Variants in FSTL5 observed in about 807,000 individuals in gnomAD.
FSTL5 encodes follistatin-related protein 5.
In FSTL5, 62 loss-of-function variants were observed where a neutral mutation model predicts 89.1. The observed-to-expected ratio is 0.70, with a 90% CI of 0.57 to 0.86. FSTL5 has a LOEUF of 0.86. Among genes scored for constraint, FSTL5 ranks in the 40% least tolerant of loss-of-function variants. FSTL5 has a pLI of 0.00. For missense variants in FSTL5, 1,057 were observed against 1,001.6 expected (o/e 1.06, Z -0.75); for synonymous variants, 383 against 346.2 (o/e 1.11, Z -1.18).
chr4:161,607,503 A>C (rs1346631996), intron 7 of FSTL5, among the ~76,000 whole-genome samples: 1 of 152,150 alleles, frequency 6.6e-6, no homozygotes, highest in Non-Finnish European at 1.5e-5. Context: ...AATAGCTAAA[A>C]GTTTAAAAAT....
intron 1 of FSTL5, among the ~76,000 whole-genome samples, chr4:162,141,004 G>T (rs750713460): frequency 6.6e-6 from 1 of 151,380 alleles, no homozygotes; most frequent in African/African-American, 2.4e-5. Flanking sequence ...CTTAAGAATG[G>T]CCATTCAAAT....
chr4:161,766,858 A>G (rs1579077073), intron 5 of FSTL5, among the ~76,000 whole-genome samples: 1 of 152,266 alleles, frequency 6.6e-6, no homozygotes, highest in Admixed American at 6.5e-5. Flanking sequence ...CAGATATAAA[A>G]GATAGATGGA....
intron 7 of FSTL5, among the ~76,000 whole-genome samples, chr4:161,637,742 T>C (rs1422562924): frequency 8.4e-6 from 1 of 118,510 alleles, no homozygotes; most frequent in Non-Finnish European, 1.6e-5. Flanking sequence ...ATTGCTTGTT[T>C]TTCTCAGGTT....
rs566294335 is a variant in FSTL5 at position 161,588,830 on chromosome 4, G to A, written c.895-1255C>T. On this transcript the variant is annotated intron_variant, in intron 7 of 15. Transcript: ENST00000306100. ...AAAATCATCATTCTAGAAGACACTG[G>A]AAGGGAAAGAGCAGGTCTGAAGCTC... Among the ~76,000 whole-genome samples the A allele has an allele frequency of 1.5e-4, 23 of 152,180 alleles. No homozygotes were observed. The East Asian group carries it at 3.5e-3, about 23-fold the overall frequency.
At chr4:161,600,832 A>C (rs1259994850) in intron 7 of FSTL5, among the ~76,000 whole-genome samples, 1 of 152,286 alleles carries the variant, frequency 6.6e-6, no homozygotes, top group South Asian at 2.1e-4. Flanking sequence ...AAATGGAAAG[A>C]GTTTCTATCC....
chr4:161,806,648 T>G (rs571745785), intron 4 of FSTL5, among the ~76,000 whole-genome samples: 1 of 152,244 alleles, frequency 6.6e-6, no homozygotes, highest in African/African-American at 2.4e-5. Context: ...AGATAGTGGC[T>G]ATAAAATTAG....
chr4:161,953,417 C>T lies in FSTL5; in HGVS notation c.161-32765G>A, dbSNP rs574316792. ...GTTGTAATGAGTTATGGTTAAATAA[C>T]CTGGAAAAAAATACTATAAAATATA... On this transcript the variant is annotated intron_variant, in intron 3 of 15. Coordinates refer to ENST00000306100, the MANE Select transcript of FSTL5 (RefSeq NM_020116.5). Among the ~76,000 whole-genome samples, 4 of 151,370 alleles carry T rather than the reference C, an allele frequency of 2.6e-5. No individual in the cohort carries two copies. In the South Asian group the frequency reaches 6.2e-4, roughly 24 times the overall value.
chr4:161,580,669 T>A (rs1218447928), intron 8 of FSTL5, among the ~76,000 whole-genome samples: 1 of 152,158 alleles, frequency 6.6e-6, no homozygotes, highest in African/African-American at 2.4e-5. Flanking sequence ...CTGATTTGTG[T>A]CCCTCATTGG....
In FSTL5 at chr4:161,770,341, G is replaced by C. The variant is rs76923743; in HGVS notation, c.606+5537C>G. On this transcript the variant is annotated intron_variant, in intron 5 of 15. Coordinates refer to ENST00000306100, the MANE Select transcript of FSTL5 (RefSeq NM_020116.5). ...TAATATTGTACATTTTCCGCAACTA[G>C]AAGAATTTAATTGAATTGCTTGTAG... 2.0e-3 allele frequency among the ~76,000 whole-genome samples: 304 copies of C among 152,064 alleles called. 1 individual carries two copies. The highest frequency in any genetic ancestry group is 3.6e-3 in the Non-Finnish European group (243 of 67,872).
intron 3 of FSTL5, among the ~76,000 whole-genome samples, chr4:161,964,870 T>C (rs80280335): frequency 0.014 from 2,133 of 152,090 alleles, 30 homozygotes; most frequent in Non-Finnish European, 0.023. Context: ...CTTATTTACT[T>C]TTTCCTGAGC....
intron 10 of FSTL5, among the ~76,000 whole-genome samples, chr4:161,535,998 A>G (rs560187672): frequency 6.6e-6 from 1 of 152,310 alleles, no homozygotes; most frequent in African/African-American, 2.4e-5. Flanking sequence ...AGAAAACCAA[A>G]TACCACATGT....
At position 161,737,678 on chromosome 4, in the gene FSTL5, T is replaced by C. The variant is rs139337577; in HGVS notation, c.727+21733A>G. On this transcript the variant is annotated intron_variant, in intron 6 of 15. Coordinates refer to ENST00000306100, the MANE Select transcript of FSTL5 (RefSeq NM_020116.5). ...AACAAATACAGTTTACCTTCACAAA[T>C]AAGCAAAACCTATGTATGTAAATCA... Among the ~76,000 whole-genome samples the C allele has an allele frequency of 9.5e-3, 1,441 of 152,070 alleles. 73 individuals are homozygous for C. Among genetic ancestry groups the C allele is most frequent in the Admixed American group, 0.077 (1,170 of 15,260 alleles).
At chr4:161,949,387 T>TA (rs1475732661) in intron 3 of FSTL5, among the ~76,000 whole-genome samples, 1 of 152,134 alleles carries the variant, frequency 6.6e-6, no homozygotes, top group African/African-American at 2.4e-5. Flanking sequence ...CATACGCTTT[T>TA]AAAAAATCTT....
At chr4:161,931,946 G>A (rs1213145084) in intron 3 of FSTL5, among the ~76,000 whole-genome samples, 2 of 151,956 alleles carry the variant, frequency 1.3e-5, no homozygotes, top group Non-Finnish European at 2.9e-5. Context: ...TTGTACCAGT[G>A]TGCCAAGTTA....
intron 7 of FSTL5, among the ~76,000 whole-genome samples, chr4:161,622,428 C>T (rs1030247432): frequency 6.6e-6 from 1 of 151,916 alleles, no homozygotes; most frequent in Non-Finnish European, 1.5e-5. Context: ...CACATTACTA[C>T]AATAGAAAAT....
At chr4:161,844,680 A>G (rs942753701) in intron 4 of FSTL5, among the ~76,000 whole-genome samples, 8 of 152,218 alleles carry the variant, frequency 5.3e-5, no homozygotes, top group Non-Finnish European at 1.0e-4. Flanking sequence ...TCAGCAAAGT[A>G]ACACAGGAAC....
At position 161,617,784 on chromosome 4, in the gene FSTL5, G is replaced by C. The variant is rs568666546; in HGVS notation, c.895-30209C>G. Reference sequence around the variant, plus strand: ...CTGTGATTATAGAATTATATGTCCAGTGAAAATATTTGTTGCAGATGAAGG... The same window carrying C: ...CTGTGATTATAGAATTATATGTCCACTGAAAATATTTGTTGCAGATGAAGG... On this transcript the variant is annotated intron_variant, in intron 7 of 15. Transcript: ENST00000306100. Among the ~76,000 whole-genome samples the C allele has an allele frequency of 8.5e-4, 129 of 152,284 alleles. 1 individual carries two copies. The highest frequency in any genetic ancestry group is 2.9e-3 in the African/African-American group (120 of 41,560).
At chr4:162,148,927 A>G (rs376430287) in intron 1 of FSTL5, among the ~76,000 whole-genome samples, 1 of 152,352 alleles carries the variant, frequency 6.6e-6, no homozygotes. Context: ...TGAAAGGACT[A>G]TATGTAAAAC....
chr4:161,918,676 G>A (rs996424561), intron 4 of FSTL5, among the ~76,000 whole-genome samples: 3 of 151,196 alleles, frequency 2.0e-5, no homozygotes, highest in Non-Finnish European at 4.4e-5. Context: ...ACGGGGTCTC[G>A]CTCTGTTGCC....
Sources: gnomAD v4.1 joint callset for allele counts (sites outside exome capture counted in the v4.1 genomes callset) on GRCh38, gnomAD v4.1.1 for gene constraint, MANE v1.5 for transcripts, NCBI Gene and HGNC (gene_info 2026-07-23, HGNC 2026-07-21) for gene names.